Variants in DZANK1 observed in about 807,000 individuals in gnomAD.
DZANK1 encodes double zinc ribbon and ankyrin repeat-containing protein 1.
Under a neutral mutation model 94.5 loss-of-function variants are expected in DZANK1, and 91 were observed. The ratio of observed to expected loss-of-function variants is 0.96; its 90% CI spans 0.81 to 1.15. DZANK1 has a LOEUF of 1.15. DZANK1 is among the 50% of genes most tolerant of loss of function. The pLI, the probability that DZANK1 is intolerant of heterozygous loss-of-function variation, is 0.00. For synonymous variants in DZANK1, 312 were observed against 325.3 expected (o/e 0.96, Z 0.44); for missense variants, 903 against 916.4 (o/e 0.99, Z 0.19).
intron 13 of DZANK1, among the ~76,000 whole-genome samples, chr20:18,411,032 A>T (rs1193405134): frequency 6.6e-6 from 1 of 152,244 alleles, no homozygotes; most frequent in Non-Finnish European, 1.5e-5. Flanking sequence ...AATTTATAGC[A>T]GCAAATGTTC....
Position 18,427,030 on chromosome 20 carries a change from C to A in DZANK1, c.954+37G>T, listed in dbSNP as rs775585057. On this transcript the variant is annotated intron_variant, in intron 10 of 20. Transcript: ENST00000262547. The stretch of plus-strand genomic sequence containing the variant: ...ATTATCATTAACATTGACATAGTAG[C>A]CACTAAATATAGGATTGGCACATGC... 4 of 1,443,326 alleles carry A rather than the reference C, an allele frequency of 2.8e-6. No individual in the cohort carries two copies. In the Admixed American group the frequency reaches 7.0e-5, roughly 25 times the overall value. The allele number at this position is 1,443,326 out of a possible 1,614,324, so 89.4% of individuals were successfully genotyped here. A position where few individuals can be genotyped will look rare whatever the true frequency, so the allele number is the denominator to read the frequency against.
chr20:18,388,999 A>G (rs1347298261), intron 19 of DZANK1, among the ~76,000 whole-genome samples: 1 of 152,182 alleles, frequency 6.6e-6, no homozygotes, highest in Non-Finnish European at 1.5e-5. Context: ...ATGTCCCTAG[A>G]AGACTCATTT....
intron 9 of DZANK1, among the ~76,000 whole-genome samples, chr20:18,428,082 C>T (rs2058127339): frequency 6.7e-6 from 1 of 148,800 alleles, no homozygotes; most frequent in South Asian, 2.1e-4. Flanking sequence ...ACCCGGGAGG[C>T]GGAGCTTGCA....
intron 2 of DZANK1, among the ~76,000 whole-genome samples, chr20:18,464,570 C>T (rs1168853214): frequency 1.3e-5 from 2 of 151,724 alleles, no homozygotes; most frequent in Non-Finnish European, 2.9e-5. Flanking sequence ...GGGATTAAGT[C>T]TCCAACCTGT....
At chr20:18,438,235 A>AG (rs2058602722) in intron 8 of DZANK1, among the ~76,000 whole-genome samples, 1 of 141,646 alleles carries the variant, frequency 7.1e-6, no homozygotes, top group Admixed American at 7.2e-5. Flanking sequence ...AAAAAAAAAA[A>AG]AAAAGAAATA....
chr20:18,447,925 A>C (rs1467883708), intron 7 of DZANK1, among the ~76,000 whole-genome samples: 2 of 152,186 alleles, frequency 1.3e-5, no homozygotes, highest in Admixed American at 1.3e-4. Flanking sequence ...ATTCCTCTTC[A>C]AGGTATTTGC....
At chr20:18,464,660 A>G (rs1601219514) in intron 2 of DZANK1, among the ~76,000 whole-genome samples, 1 of 136,380 alleles carries the variant, frequency 7.3e-6, no homozygotes, top group East Asian at 2.2e-4. Flanking sequence ...TTTGGGGAGC[A>G]CCGGGACTTT....
chr20:18,428,194 T>C (rs934683014), intron 9 of DZANK1, among the ~76,000 whole-genome samples: 2 of 150,992 alleles, frequency 1.3e-5, no homozygotes, highest in African/African-American at 4.9e-5. Context: ...AACTTAATTT[T>C]TTTCTTTTTT....
chr20:18,460,301 G>A (rs780148339), exon 3 of DZANK1: 3 of 1,523,344 alleles, frequency 2.0e-6, no homozygotes, highest in Non-Finnish European at 1.8e-6. Context: ...TTGACATCTG[G>A]AGTGTCTGAA....
chr20:18,446,209 C>A (rs1042393360), intron 7 of DZANK1, among the ~76,000 whole-genome samples: 1 of 151,886 alleles, frequency 6.6e-6, no homozygotes, highest in Non-Finnish European at 1.5e-5. Flanking sequence ...TGGGCCTCTG[C>A]GCTTCGGCCT....
chr20:18,465,003 G>A (rs930553603), intron 2 of DZANK1, among the ~76,000 whole-genome samples: 2 of 152,030 alleles, frequency 1.3e-5, no homozygotes, highest in African/African-American at 2.4e-5. Context: ...CTTGGCTAAG[G>A]TAAGTCAAGA....
At chr20:18,456,918 G>A (rs1301831130) in intron 3 of DZANK1, among the ~76,000 whole-genome samples, 1 of 152,126 alleles carries the variant, frequency 6.6e-6, no homozygotes, top group Non-Finnish European at 1.5e-5. Flanking sequence ...CTCTTCAATA[G>A]ATACTGAGGA....
chr20:18,395,085 G>C (rs1235378891), intron 15 of DZANK1, among the ~76,000 whole-genome samples: 1 of 152,176 alleles, frequency 6.6e-6, no homozygotes, highest in Non-Finnish European at 1.5e-5. Flanking sequence ...CTAGGGCCCA[G>C]GTGCAGTGGC....
intron 18 of DZANK1, 133 bp downstream of exon 18, chr20:18,390,246 A>C (rs541863472): frequency 1.3e-6 from 1 of 788,304 alleles, no homozygotes; most frequent in South Asian, 1.7e-5. Flanking sequence ...CTAGCCATTC[A>C]CTATATCCCG....
intron 13 of DZANK1, among the ~76,000 whole-genome samples, chr20:18,399,190 T>C (rs1408899858): frequency 6.6e-6 from 1 of 152,110 alleles, no homozygotes; most frequent in Non-Finnish European, 1.5e-5. Context: ...TCTTTTCTTT[T>C]TCTATGATTC....
At chr20:18,460,799 T>C (rs893973553) in intron 2 of DZANK1, among the ~76,000 whole-genome samples, 2 of 152,240 alleles carry the variant, frequency 1.3e-5, no homozygotes, top group Admixed American at 1.3e-4. Flanking sequence ...GGTTATTATA[T>C]ATACATAATG....
chr20:18,388,197 C>T (rs1337223766), intron 19 of DZANK1, among the ~76,000 whole-genome samples: 1 of 152,184 alleles, frequency 6.6e-6, no homozygotes, highest in African/African-American at 2.4e-5. Context: ...CTTTCCTCCC[C>T]ACAACCATGT....
At chr20:18,409,859 G>A (rs1395014360) in intron 13 of DZANK1, among the ~76,000 whole-genome samples, 1 of 152,004 alleles carries the variant, frequency 6.6e-6, no homozygotes, top group Non-Finnish European at 1.5e-5. Flanking sequence ...CACGAGGTCA[G>A]GCGATCGAGA....
exon 20 of DZANK1, chr20:18,385,057 C>A: frequency 6.4e-7 from 1 of 1,553,376 alleles, no homozygotes. Flanking sequence ...CAAGGCCAAG[C>A]AGAGTTGCTT....
Sources: gnomAD v4.1 joint callset for allele counts (sites outside exome capture counted in the v4.1 genomes callset) on GRCh38, gnomAD v4.1.1 for gene constraint, MANE v1.5 for transcripts, NCBI Gene and HGNC (gene_info 2026-07-23, HGNC 2026-07-21) for gene names.